The following MPDZ variants were observed in gnomAD, a reference collection of about 807,000 sequenced individuals.
The protein encoded by MPDZ is multiple PDZ domain crumbs cell polarity complex component.
Under a neutral mutation model 239.1 loss-of-function variants are expected in MPDZ, and 234 were observed. The observed-to-expected ratio is 0.98, with a 90% CI of 0.88 to 1.09. The LOEUF is 1.09. MPDZ is among the 50% of genes least tolerant of loss of function. The probability of loss-of-function intolerance (pLI) is 0.00; values close to 1 mark genes in which losing one functional copy is unlikely to be tolerated. For missense variants in MPDZ, 3,175 were observed against 2,510.0 expected, an observed-to-expected ratio of 1.26 and a Z score of -5.66; for synonymous variants, 1,048 against 881.3, an observed-to-expected ratio of 1.19 and a Z score of -3.35.
intron 40 of MPDZ, among the ~76,000 whole-genome samples, chr9:13,114,333 T>A (rs1046539008): frequency 1.3e-5 from 2 of 152,132 alleles, no homozygotes; most frequent in African/African-American, 4.8e-5. Context: ...GTAGGAAGAC[T>A]AGGACTTAAA....
intron 2 of MPDZ, 106 bp downstream of exon 2, chr9:13,250,194 G>C: frequency 9.6e-7 from 1 of 1,040,966 alleles, no homozygotes; most frequent in Non-Finnish European, 1.4e-6. Flanking sequence ...TTTAAATCTA[G>C]ATACCATAGA....
chr9:13,238,166 A>T (rs1964548924), intron 3 of MPDZ, among the ~76,000 whole-genome samples: 1 of 152,204 alleles, frequency 6.6e-6, no homozygotes, highest in Non-Finnish European at 1.5e-5. Flanking sequence ...ACCAAGCTGT[A>T]AGCTTGCACA....
rs776287298 is a variant in MPDZ, at chr9:13,176,420, G to A, written c.2650-3C>T. 7.8e-6 allele frequency: 12 copies of A among 1,528,912 alleles called. No individual in the cohort carries two copies. The highest frequency in any genetic ancestry group is 1.3e-5 in the South Asian group (1 of 74,818). The allele number at this position is 1,528,912 out of a possible 1,614,324, so 94.7% of individuals were successfully genotyped here. ...TCACAAGAATTTTCAATAACATCCT[G>A]GTAGTTAAAAAACAACAACAACAAA... is the stretch of plus-strand genomic sequence containing the variant. On this transcript the variant is annotated splice_polypyrimidine_tract_variant and splice_region_variant and intron_variant, in intron 19 of 46. Transcript: ENST00000319217.
intron 2 of MPDZ, among the ~76,000 whole-genome samples, chr9:13,249,959 T>G (rs1386413985): frequency 6.6e-6 from 1 of 152,326 alleles, no homozygotes; most frequent in South Asian, 2.1e-4. Flanking sequence ...GTATTAAAAA[T>G]ACTGCTAAAC....
At chr9:13,215,591 C>T (rs1202125119) in intron 10 of MPDZ, among the ~76,000 whole-genome samples, 1 of 151,422 alleles carries the variant, frequency 6.6e-6, no homozygotes, top group Non-Finnish European at 1.5e-5. Flanking sequence ...AAGGGAACAA[C>T]AGAAACTTAA....
At chr9:13,112,716 T>G (rs890643546) in intron 42 of MPDZ, among the ~76,000 whole-genome samples, 3 of 152,170 alleles carry the variant, frequency 2.0e-5, no homozygotes, top group African/African-American at 7.2e-5. Context: ...CTAATAAGTA[T>G]CTGTTGAAGA....
intron 1 of MPDZ, among the ~76,000 whole-genome samples, chr9:13,261,034 G>C (rs1394524938): frequency 6.6e-6 from 1 of 152,156 alleles, no homozygotes; most frequent in Non-Finnish European, 1.5e-5. Flanking sequence ...CAATCTAAGT[G>C]CTGACATGAA....
intron 22 of MPDZ, among the ~76,000 whole-genome samples, chr9:13,167,585 T>C (rs1278182917): frequency 6.6e-6 from 1 of 152,082 alleles, no homozygotes; most frequent in African/African-American, 2.4e-5. Context: ...ATTACATCGA[T>C]TTTAGGTAAA....
At position 13,190,096 on chromosome 9, in the gene MPDZ, A is replaced by T. The variant is rs763642799; in HGVS notation, c.2154+18T>A. 2.5e-6 allele frequency: 4 copies of T among 1,602,700 alleles called. No homozygotes were observed. Among genetic ancestry groups the T allele is most frequent in the Non-Finnish European group, 3.4e-6 (4 of 1,173,786 alleles). On this transcript the variant is annotated intron_variant, in intron 16 of 46. Coordinates refer to ENST00000319217, the MANE Select transcript of MPDZ (RefSeq NM_001378778.1). ...AACAATAGGCCTTTAAAAATTGTTA[A>T]AAGTAGTATATACTTACCTGATAAT...
intron 21 of MPDZ, among the ~76,000 whole-genome samples, chr9:13,173,111 G>T (rs1389177636): frequency 6.6e-6 from 1 of 152,196 alleles, no homozygotes; most frequent in Admixed American, 6.5e-5. Flanking sequence ...ACAGGGGACT[G>T]GTAGAGAGAG....
At chr9:13,200,757 C>G (rs936895295) in intron 12 of MPDZ, among the ~76,000 whole-genome samples, 3 of 151,724 alleles carry the variant, frequency 2.0e-5, no homozygotes, top group Non-Finnish European at 2.9e-5. Flanking sequence ...AGTTTTATTC[C>G]ATTATGGTCA....
In MPDZ at chr9:13,106,844, T is replaced by G; in HGVS notation, c.*121A>C. The G allele has an allele frequency of 9.4e-7, 1 of 1,064,732 alleles. No homozygotes were observed. Among genetic ancestry groups the G allele is most frequent in the Non-Finnish European group, 1.3e-6 (1 of 749,268 alleles). 66.0% of individuals were successfully genotyped at this position (1,064,732 alleles called of 1,614,324 possible). A position where few individuals can be genotyped will look rare whatever the true frequency, so the allele number is the denominator to read the frequency against. ...ATGAGAAAAAGAAACTTAAGTGTTA[T>G]TTCCCCCCTACAGTTTTGAAGACCC... On this transcript the variant is annotated 3_prime_UTR_variant, in exon 47 of 47. Coordinates refer to ENST00000319217, the MANE Select transcript of MPDZ (RefSeq NM_001378778.1).
In MPDZ at chr9:13,139,998, C is replaced by A. The variant is rs941129976; in HGVS notation, c.3992G>T (p.Gly1331Val). ...AAAACACAACTTACTCCAGCTGTAACCAAACTCATCCTCTTTGTCCACATC... is the reference window on the plus strand; with the variant it reads ...AAAACACAACTTACTCCAGCTGTAAACAAACTCATCCTCTTTGTCCACATC... ...SQDVDKEDEF[G>V]YSWKNIRERY... Residue 1331 changes from glycine to valine, a missense_variant, in exon 28 of 47, where the codon GGT becomes GTT. Gly to Val is a moderately radical substitution (Grantham distance 109). Coordinates refer to ENST00000319217, the MANE Select transcript of MPDZ (RefSeq NM_001378778.1). 5.0e-6 allele frequency: 8 copies of A among 1,613,514 alleles called. No individual in the cohort carries two copies. Among genetic ancestry groups the A allele is most frequent in the Non-Finnish European group, 6.8e-6 (8 of 1,179,656 alleles).
Position 13,108,988 on chromosome 9 carries a change from T to A in MPDZ, c.6014A>T (p.Tyr2005Phe). 1 of 1,606,920 alleles carries A rather than the reference T, an allele frequency of 6.2e-7. No individual in the cohort carries two copies. The highest frequency in any genetic ancestry group is 8.5e-7 in the Non-Finnish European group (1 of 1,176,292). The part of the protein sequence containing the change: ...DGLGFSIVGG[Y>F]GSPHGDLPIY... ...GGGTAAGTCTCCATGAGGGCTGCCA[T>A]ATCCTCCAACTATACTGAAGCCTAA... The change falls in exon 46 of 47, where the codon TAT (tyrosine) becomes TTT (phenylalanine). Residue 2005 changes from tyrosine (Y) to phenylalanine (F), a missense_variant. Tyr to Phe is a conservative substitution (Grantham distance 22, BLOSUM62 3). Transcript: ENST00000319217.
intron 6 of MPDZ, among the ~76,000 whole-genome samples, chr9:13,221,890 G>A (rs1959150574): frequency 6.6e-6 from 1 of 151,930 alleles, no homozygotes; most frequent in Non-Finnish European, 1.5e-5. Flanking sequence ...CTTCTTAAAA[G>A]TTACTGACAG....
chr9:13,158,208 G>A, intron 23 of MPDZ, 98 bp from the exon 24 acceptor site: 1 of 877,434 alleles, frequency 1.1e-6, no homozygotes, highest in Non-Finnish European at 1.8e-6. Context: ...ATGCAGGACT[G>A]TTTTATGTTT....
chr9:13,245,650 C>T (rs1966427620), intron 3 of MPDZ, among the ~76,000 whole-genome samples: 2 of 152,106 alleles, frequency 1.3e-5, no homozygotes, highest in East Asian at 1.9e-4. Flanking sequence ...AATTCACAGA[C>T]CTCACAATTT....
chr9:13,158,596 T>A (rs998376958), intron 23 of MPDZ, among the ~76,000 whole-genome samples: 1 of 152,134 alleles, frequency 6.6e-6, no homozygotes, highest in African/African-American at 2.4e-5. Flanking sequence ...GGACCAATGA[T>A]TTTCTTTCCA....
At chr9:13,143,240 C>T (rs535760187) in intron 27 of MPDZ, among the ~76,000 whole-genome samples, 1 of 152,204 alleles carries the variant, frequency 6.6e-6, no homozygotes, top group South Asian at 2.1e-4. Context: ...TTCTCCCTTA[C>T]TCTTCAGAAG....
Sources: allele counts gnomAD v4.1 joint callset (sites outside exome capture counted in the v4.1 genomes callset), GRCh38; gene constraint gnomAD v4.1.1; transcripts MANE v1.5; gene names NCBI Gene and HGNC (gene_info 2026-07-23, HGNC 2026-07-21).